The following DIP2C variants were observed in gnomAD, a reference collection of about 807,000 sequenced individuals.
The protein encoded by DIP2C is DIP2 acetate--CoA ligase C (putative).
A neutral mutation model predicts 192.4 loss-of-function variants in DIP2C; 33 were observed. That is an observed-to-expected ratio of 0.17 (90% confidence interval 0.13 to 0.23). The LOEUF (loss-of-function observed/expected upper bound fraction) is 0.23. DIP2C is among the 10% of genes least tolerant of loss of function. The pLI is 1.00. For synonymous variants in DIP2C, 979 were observed against 864.1 expected, an observed-to-expected ratio of 1.13 and a Z score of -2.33; for missense variants, 1,537 against 2,110.1, an observed-to-expected ratio of 0.73 and a Z score of 5.32.
intron 1 of DIP2C, among the ~76,000 whole-genome samples, chr10:518,011 A>G (rs1202808624): frequency 6.6e-6 from 1 of 152,230 alleles, no homozygotes; most frequent in African/African-American, 2.4e-5. Flanking sequence ...GATTTCTGCT[A>G]GGCAGTTTGG....
intron 17 of DIP2C, among the ~76,000 whole-genome samples, chr10:377,916 G>A (rs1047355159): frequency 5.3e-5 from 8 of 152,120 alleles, no homozygotes; most frequent in Admixed American, 1.3e-4. Flanking sequence ...ATAGTACTTT[G>A]TAGTTACAAA....
At chr10:314,200 C>A (rs932437539) in intron 31 of DIP2C, among the ~76,000 whole-genome samples, 1 of 152,256 alleles carries the variant, frequency 6.6e-6, no homozygotes, top group South Asian at 2.1e-4. Context: ...GAAATGTTAC[C>A]GGCTTAGAGA....
At chr10:596,148 TCA>T (rs1341240897) in intron 1 of DIP2C, among the ~76,000 whole-genome samples, 3 of 152,188 alleles carry the variant, frequency 2.0e-5, no homozygotes, top group African/African-American at 4.8e-5. Flanking sequence ...AGCTGAAAGG[TCA>T]CAGATAACGT....
intron 10 of DIP2C, among the ~76,000 whole-genome samples, chr10:398,725 C>G (rs150209162): frequency 9.2e-5 from 14 of 152,266 alleles, no homozygotes; most frequent in African/African-American, 3.4e-4. Flanking sequence ...TAAAACCTGA[C>G]AAATCATAGG....
Position 469,041 on chromosome 10 carries a change from G to C in DIP2C, c.268+3398C>G, listed in dbSNP as rs544172090. ...AGCTGACACCTTGGTGTCACCCTGG[G>C]TGCAGAATTGGAGACCATCATCTGT... On this transcript the variant is annotated intron_variant, in intron 3 of 36. Transcript: ENST00000280886. 2.6e-5 allele frequency among the ~76,000 whole-genome samples: 4 copies of C among 151,944 alleles called. No homozygotes were observed. In the South Asian group the frequency reaches 8.3e-4, roughly 32 times the overall value.
chr10:356,297 A>T, intron 24 of DIP2C, 129 bp downstream of exon 24: 2 of 1,094,424 alleles, frequency 1.8e-6, no homozygotes, highest in Middle Eastern at 2.0e-4. Context: ...CAGTCAAAAT[A>T]GCAAAACATA....
chr10:483,129 C>G (rs1343855042), intron 2 of DIP2C, among the ~76,000 whole-genome samples: 4 of 152,230 alleles, frequency 2.6e-5, no homozygotes, highest in Non-Finnish European at 5.9e-5. Flanking sequence ...GCCTAGGGAA[C>G]AGAACCCCCA....
chr10:473,403 C>T (rs911094010), intron 2 of DIP2C, among the ~76,000 whole-genome samples: 1 of 152,192 alleles, frequency 6.6e-6, no homozygotes, highest in Non-Finnish European at 1.5e-5. Context: ...CCTATGTCAT[C>T]CCCACAGTTC....
Position 344,848 on chromosome 10 carries a change from G to A in DIP2C, c.3414C>T (p.Asp1138=). ...PCNPDTLAYL[D]FSVSTTGMLA... is the part of the protein sequence containing the mutation. ...GCATCCCAGTTGTGGACACGCTGAA[G>A]TCGAGATATGCAAGAGTGTCTGGGT... Residue 1138 remains aspartate (D), a synonymous_variant, in exon 28 of 37, where the codon GAC becomes GAT. Coordinates refer to ENST00000280886, the MANE Select transcript of DIP2C (RefSeq NM_014974.3). The A allele has an allele frequency of 4.4e-6, 7 of 1,604,526 alleles. No individual in the cohort carries two copies. The highest frequency in any genetic ancestry group is 5.9e-6 in the Non-Finnish European group (7 of 1,176,810).
In DIP2C at chr10:335,887, G is replaced by A. The variant is rs117144889; in HGVS notation, c.3584+5312C>T. On this transcript the variant is annotated intron_variant, in intron 29 of 36. Transcript: ENST00000280886. ...TGGAAAATTTCCTATTTTACTCAAA[G>A]TGTTACAACCTGTTGCAATCTTTAT... Among the ~76,000 whole-genome samples, 10 of 152,244 alleles carry A rather than the reference G, an allele frequency of 6.6e-5. No individual in the cohort carries two copies. The East Asian group carries it at 1.7e-3, about 26-fold the overall frequency.
intron 1 of DIP2C, among the ~76,000 whole-genome samples, chr10:604,423 C>T (rs577578678): frequency 6.6e-6 from 1 of 152,158 alleles, no homozygotes; most frequent in African/African-American, 2.4e-5. Context: ...TGAACACATT[C>T]GGAACAGAAT....
At chr10:579,392 TAC>T (rs1375514365) in intron 1 of DIP2C, among the ~76,000 whole-genome samples, 3 of 151,916 alleles carry the variant, frequency 2.0e-5, no homozygotes, top group South Asian at 2.1e-4. Context: ...GTGTACAGTG[TAC>T]ACACATCCAG....
At chr10:550,572 C>T (rs1403439118) in intron 1 of DIP2C, among the ~76,000 whole-genome samples, 4 of 152,130 alleles carry the variant, frequency 2.6e-5, no homozygotes, top group African/African-American at 9.7e-5. Flanking sequence ...AGTGCTATTA[C>T]AACAATCAGA....
At chr10:573,235 T>C (rs1849932413) in intron 1 of DIP2C, among the ~76,000 whole-genome samples, 2 of 152,104 alleles carry the variant, frequency 1.3e-5, no homozygotes, top group Non-Finnish European at 2.9e-5. Context: ...AGTAACAACC[T>C]GATGATCAAG....
At chr10:615,769 G>A (rs905435883) in intron 1 of DIP2C, among the ~76,000 whole-genome samples, 1 of 152,154 alleles carries the variant, frequency 6.6e-6, no homozygotes, top group Non-Finnish European at 1.5e-5. Context: ...TGACTTTAGT[G>A]TTTAAAATCT....
chr10:476,993 A>C (rs1843080733), intron 2 of DIP2C, among the ~76,000 whole-genome samples: 1 of 136,016 alleles, frequency 7.4e-6, no homozygotes, highest in South Asian at 2.8e-4. Flanking sequence ...CAGGGCTCCC[A>C]CAGAGGGCTG....
At chr10:480,820 C>T (rs1024339133) in intron 2 of DIP2C, among the ~76,000 whole-genome samples, 11 of 152,230 alleles carry the variant, frequency 7.2e-5, no homozygotes, top group African/African-American at 2.2e-4. Flanking sequence ...GAAGTGCCGA[C>T]GGGAGCACGG....
intron 7 of DIP2C, among the ~76,000 whole-genome samples, chr10:414,731 G>T (rs1157208727): frequency 1.6e-5 from 1 of 63,824 alleles, no homozygotes; most frequent in African/African-American, 5.8e-5. Context: ...GTGTGTGTGT[G>T]TGTGTGTGTA....
At chr10:400,272 C>T (rs1964311125) in intron 9 of DIP2C, among the ~76,000 whole-genome samples, 1 of 150,656 alleles carries the variant, frequency 6.6e-6, no homozygotes, top group South Asian at 2.1e-4. Flanking sequence ...ATTCTCCTGC[C>T]TTGGTCCCCG....
Sources: gnomAD v4.1 joint callset for allele counts (sites outside exome capture counted in the v4.1 genomes callset) on GRCh38, gnomAD v4.1.1 for gene constraint, MANE v1.5 for transcripts, NCBI Gene and HGNC (gene_info 2026-07-23, HGNC 2026-07-21) for gene names.